Variants in CTSO observed in about 807,000 individuals in gnomAD.
The protein encoded by CTSO is cathepsin O.
CTSO carries 40 observed loss-of-function variants against 42.4 expected under a neutral mutation model. The observed-to-expected ratio is 0.94, with a 90% CI of 0.73 to 1.23. The LOEUF is 1.23. Among genes scored for constraint, CTSO ranks in the 50% most tolerant of loss-of-function variants. CTSO has a pLI of 0.00. For synonymous variants in CTSO, 156 were observed against 146.2 expected (o/e 1.07, Z -0.48); for missense variants, 441 against 396.0 (o/e 1.11, Z -0.96).
At chr4:155,942,199 G>T in intron 3 of CTSO, 118 bp downstream of exon 3, 1 of 777,380 alleles carries the variant, frequency 1.3e-6, no homozygotes, top group Non-Finnish European at 1.8e-6. Context: ...ATTTTTGGAT[G>T]ACTGAGATGT....
At chr4:155,950,552 C>T (rs1379063027) in intron 1 of CTSO, among the ~76,000 whole-genome samples, 3 of 152,074 alleles carry the variant, frequency 2.0e-5, no homozygotes, top group Admixed American at 2.0e-4. Context: ...TTCGTGTTTT[C>T]ATCTTTATAT....
At chr4:155,953,657 C>T in intron 1 of CTSO, 56 bp downstream of exon 1, 1 of 1,234,300 alleles carries the variant, frequency 8.1e-7, no homozygotes, top group Non-Finnish European at 1.0e-6. Flanking sequence ...CAGCCCAGAC[C>T]CGGGACAGGA....
rs529023507 is a variant in CTSO, at chr4:155,950,091, C to A, written c.135+3622G>T. Reference sequence around the variant, plus strand: ...TACAGTGTACTGAAGTGTGTGTAAACATATTGCAGATATATGTTTACTATG... The same window carrying A: ...TACAGTGTACTGAAGTGTGTGTAAAAATATTGCAGATATATGTTTACTATG... On this transcript the variant is annotated intron_variant, in intron 1 of 7. Coordinates refer to ENST00000433477, the MANE Select transcript of CTSO (RefSeq NM_001334.3). 2.6e-5 allele frequency among the ~76,000 whole-genome samples: 4 copies of A among 152,280 alleles called. No individual in the cohort carries two copies. In the East Asian group the frequency reaches 7.7e-4, roughly 29 times the overall value.
chr4:155,944,257 A>G (rs1743495939), intron 1 of CTSO, among the ~76,000 whole-genome samples: 1 of 152,188 alleles, frequency 6.6e-6, no homozygotes, highest in Admixed American at 6.5e-5. Flanking sequence ...TAAGTAAATT[A>G]TTGCTGGAAG....
At chr4:155,934,445 G>A (rs1033103999) in intron 5 of CTSO, among the ~76,000 whole-genome samples, 1 of 152,178 alleles carries the variant, frequency 6.6e-6, no homozygotes, top group South Asian at 2.1e-4. Flanking sequence ...TGCGAGAAGA[G>A]GGCCACTGTC....
At position 155,953,830 on chromosome 4, in the gene CTSO, C is replaced by A; in HGVS notation, c.18G>T (p.Leu6=). ...GCCACAGCAGCCACGGCAGCCACGG[C>A]AGCGCCCGCACGTCCATTGCGGCGC... MDVRA[L]PWLPWLLWLL... is the part of the protein sequence containing the mutation. The change falls in exon 1 of 8, where the codon CTG becomes CTT. Residue 6 remains leucine (L), a synonymous_variant. Transcript: ENST00000433477. 1 of 1,305,462 alleles carries A rather than the reference C, an allele frequency of 7.7e-7. No homozygotes were observed. The highest frequency in any genetic ancestry group is 2.3e-5 in the South Asian group (1 of 42,920). 80.9% of individuals were successfully genotyped at this position (1,305,462 alleles called of 1,614,324 possible). A position where few individuals can be genotyped will look rare whatever the true frequency, so the allele number is the denominator to read the frequency against.
At chr4:155,928,541 G>T in intron 6 of CTSO, 113 bp from the exon 7 acceptor site, 1 of 690,488 alleles carries the variant, frequency 1.4e-6, no homozygotes. Flanking sequence ...CTGAGAAGAA[G>T]ATTAAAAATG....
At chr4:155,932,831 A>G (rs961936888) in intron 5 of CTSO, among the ~76,000 whole-genome samples, 1 of 152,118 alleles carries the variant, frequency 6.6e-6, no homozygotes, top group African/African-American at 2.4e-5. Flanking sequence ...AGGTGTTCCA[A>G]CTGAACTCTT....
At chr4:155,937,631 T>C (rs952358730) in intron 4 of CTSO, 148 bp from the exon 5 acceptor site, 9 of 801,328 alleles carry the variant, frequency 1.1e-5, no homozygotes, top group South Asian at 7.1e-5. Flanking sequence ...TTTTTCTTTT[T>C]TGAGACAGAG....
intron 4 of CTSO, among the ~76,000 whole-genome samples, chr4:155,938,997 T>G (rs2110921070): frequency 6.6e-6 from 1 of 152,132 alleles, no homozygotes; most frequent in African/African-American, 2.4e-5. Flanking sequence ...AATTAGTCTC[T>G]AATGTTCCTT....
At chr4:155,947,657 A>T (rs1181850237) in intron 1 of CTSO, among the ~76,000 whole-genome samples, 1 of 152,222 alleles carries the variant, frequency 6.6e-6, no homozygotes, top group Admixed American at 6.5e-5. Context: ...TTCTTGAATT[A>T]TCAATTCTTT....
rs1743390035 is a variant in CTSO, at chr4:155,939,446, C to T, written c.477G>A (p.Gln159=). The T allele has an allele frequency of 6.2e-7, 1 of 1,614,172 alleles. No homozygotes were observed. Among genetic ancestry groups the T allele is most frequent in the Non-Finnish European group, 8.5e-7 (1 of 1,180,024 alleles). Residue 159 remains glutamine (Q), a synonymous_variant, in exon 4 of 8, where the codon CAG becomes CAA. Coordinates refer to ENST00000433477, the MANE Select transcript of CTSO (RefSeq NM_001334.3). ...AATTATTATACGAACAGTCAATGACCTGCTGGACACTTAGGTCTTCCAGGG... is the reference window on the plus strand; with the variant it reads ...AATTATTATACGAACAGTCAATGACTTGCTGGACACTTAGGTCTTCCAGGG... ...GKPLEDLSVQ[Q]VIDCSYNNYG...
chr4:155,942,506 A>G (rs1743459287), intron 2 of CTSO, 50 bp from the exon 3 acceptor site: 1 of 809,992 alleles, frequency 1.2e-6, no homozygotes, highest in African/African-American at 1.9e-5. Flanking sequence ...ATTACAATAT[A>G]TTATATTATA....
chr4:155,951,507 A>G (rs1472443619), intron 1 of CTSO, among the ~76,000 whole-genome samples: 1 of 152,194 alleles, frequency 6.6e-6, no homozygotes, highest in Non-Finnish European at 1.5e-5. Flanking sequence ...GAACAATACT[A>G]TAATATTTTG....
Position 155,934,859 on chromosome 4 carries a change from G to C in CTSO, c.674+2503C>G, listed in dbSNP as rs562344859. ...AAGGGAGTTGCCTTCTCTCAGATGA[G>C]ACTTTGGACTGTGGACTTTCGGGTT... On this transcript the variant is annotated intron_variant, in intron 5 of 7. Coordinates refer to ENST00000433477, the MANE Select transcript of CTSO (RefSeq NM_001334.3). 1.5e-3 allele frequency among the ~76,000 whole-genome samples: 221 copies of C among 152,288 alleles called. 1 individual carries two copies. Among genetic ancestry groups the C allele is most frequent in the African/African-American group, 4.0e-3 (168 of 41,560 alleles).
rs1279126944 is a variant in CTSO at position 155,924,349 on chromosome 4, G to A, written c.*1687C>T. 1 of 152,152 alleles carries A rather than the reference G, an allele frequency of 6.6e-6. No homozygotes were observed. Among genetic ancestry groups the A allele is most frequent in the East Asian group, 1.9e-4 (1 of 5,192 alleles). The allele number at this position is 152,152 out of a possible 1,614,324, so 9.4% of individuals were successfully genotyped here. On this transcript the variant is annotated 3_prime_UTR_variant, in exon 8 of 8. Transcript: ENST00000433477. Reference sequence around the variant, plus strand: ...AATAAGAATATTTATCAATTAAAAGGTCAATATCTGTCTTCCTGAAATAAC... The same window carrying A: ...AATAAGAATATTTATCAATTAAAAGATCAATATCTGTCTTCCTGAAATAAC...
chr4:155,927,687 A>C lies in CTSO; in HGVS notation c.931+649T>G, dbSNP rs552747612. Among the ~76,000 whole-genome samples the C allele has an allele frequency of 1.2e-4, 18 of 152,220 alleles. No homozygotes were observed. In the South Asian group the frequency reaches 3.5e-3, roughly 30 times the overall value. On this transcript the variant is annotated intron_variant, in intron 7 of 7. Coordinates refer to ENST00000433477, the MANE Select transcript of CTSO (RefSeq NM_001334.3). ...CTACTCAGGAGGCTGAGGCAGGAGA[A>C]GAGTGTGAACCCGGGAGGCGGAGCT...
chr4:155,934,605 C>G (rs548032116), intron 5 of CTSO, among the ~76,000 whole-genome samples: 1 of 152,174 alleles, frequency 6.6e-6, no homozygotes, highest in Non-Finnish European at 1.5e-5. Flanking sequence ...CCATTAGAAC[C>G]CACATCTTGC....
At chr4:155,932,538 G>A (rs1215718825) in intron 5 of CTSO, among the ~76,000 whole-genome samples, 1 of 152,142 alleles carries the variant, frequency 6.6e-6, no homozygotes, top group Admixed American at 6.5e-5. Context: ...ATGAGATCCT[G>A]CAGTTCTTTC....
Sources: allele counts gnomAD v4.1 joint callset (sites outside exome capture counted in the v4.1 genomes callset), GRCh38; gene constraint gnomAD v4.1.1; transcripts MANE v1.5; gene names NCBI Gene and HGNC (gene_info 2026-07-23, HGNC 2026-07-21).